BLTP3B: variants seen among roughly 807,000 people sequenced by gnomAD.
BLTP3B encodes the protein bridge-like lipid transfer protein family member 3B.
At chr12:100,041,476 C>T in the BLTP3B span, among the ~76,000 whole-genome samples, 2 of 121,134 alleles carry the variant, frequency 1.7e-5, no homozygotes, top group Non-Finnish European at 3.2e-5. Context: ...CTCACTCTGT[C>T]GCCAGGCTGG....
the BLTP3B span, among the ~76,000 whole-genome samples, chr12:100,137,450 T>C: frequency 6.6e-6 from 1 of 152,180 alleles, no homozygotes; most frequent in Non-Finnish European, 1.5e-5. Flanking sequence ...ATATTCTTTT[T>C]TTCTTTTTTG....
the BLTP3B span, chr12:100,058,559 C>CA: frequency 3.1e-6 from 5 of 1,611,498 alleles, no homozygotes; most frequent in East Asian, 2.2e-5. Flanking sequence ...TTTTTGAAGA[C>CA]AAAAAATCCC....
the BLTP3B span, among the ~76,000 whole-genome samples, chr12:100,046,744 G>A: frequency 6.6e-6 from 1 of 151,898 alleles, no homozygotes; most frequent in Non-Finnish European, 1.5e-5. Context: ...TAAAAAGGAA[G>A]TGTCACTATA....
chr12:100,119,622 T>C, the BLTP3B span, among the ~76,000 whole-genome samples: 1 of 151,062 alleles, frequency 6.6e-6, no homozygotes, highest in Non-Finnish European at 1.5e-5. Flanking sequence ...AAATACAGAG[T>C]CCAGAAAAAG....
chr12:100,087,480 A>C, the BLTP3B span, among the ~76,000 whole-genome samples: 1 of 152,200 alleles, frequency 6.6e-6, no homozygotes, highest in Non-Finnish European at 1.5e-5. Context: ...AAATGTTTAG[A>C]TTTCACGACA....
the BLTP3B span, among the ~76,000 whole-genome samples, chr12:100,124,411 CTGG>C: frequency 6.6e-6 from 1 of 151,104 alleles, no homozygotes; most frequent in African/African-American, 2.4e-5. Context: ...TGAGACCAGC[CTGG>C]GCAACACAGA....
chr12:100,102,853 A>G, the BLTP3B span: 2 of 1,589,110 alleles, frequency 1.3e-6, no homozygotes, highest in African/African-American at 2.7e-5. Flanking sequence ...TACTTTATCC[A>G]GGGACTAATA....
chr12:100,037,652 T>C, the BLTP3B span: 1 of 1,609,084 alleles, frequency 6.2e-7, no homozygotes, highest in Non-Finnish European at 8.5e-7. Flanking sequence ...AACTGTCATC[T>C]TCTTTATATG....
At chr12:100,092,185 A>G in the BLTP3B span, among the ~76,000 whole-genome samples, 1 of 152,326 alleles carries the variant, frequency 6.6e-6, no homozygotes, top group Admixed American at 6.5e-5. Flanking sequence ...GCAAATACTT[A>G]TAATAGAAAA....
the BLTP3B span, among the ~76,000 whole-genome samples, chr12:100,074,738 T>C: frequency 6.6e-6 from 1 of 151,912 alleles, no homozygotes; most frequent in East Asian, 1.9e-4. Flanking sequence ...AAAGCCTGAA[T>C]AGCCAAAGCA....
At chr12:100,038,484 C>T in the BLTP3B span, among the ~76,000 whole-genome samples, 7 of 152,184 alleles carry the variant, frequency 4.6e-5, no homozygotes, top group South Asian at 4.1e-4. Flanking sequence ...TACAAGCATG[C>T]GCCACCATGC....
the BLTP3B span, among the ~76,000 whole-genome samples, chr12:100,106,257 C>T: frequency 2.1e-5 from 3 of 140,582 alleles, no homozygotes; most frequent in South Asian, 4.8e-4. Flanking sequence ...GACACTGGTC[C>T]TCATTTCAAA....
the BLTP3B span, among the ~76,000 whole-genome samples, chr12:100,120,765 T>C: frequency 6.6e-6 from 1 of 151,978 alleles, no homozygotes; most frequent in Non-Finnish European, 1.5e-5. Context: ...AGGACCTTCA[T>C]ATGAAAACAT....
At chr12:100,094,621 C>T in the BLTP3B span, among the ~76,000 whole-genome samples, 1 of 152,188 alleles carries the variant, frequency 6.6e-6, no homozygotes, top group African/African-American at 2.4e-5. Context: ...TTTTGGGAGG[C>T]CAAGGCGGGC....
At chr12:100,121,840 A>C in the BLTP3B span, among the ~76,000 whole-genome samples, 8 of 152,348 alleles carry the variant, frequency 5.3e-5, no homozygotes, top group African/African-American at 1.7e-4. Flanking sequence ...AAGAAAAAAA[A>C]GTCATCAAAT....
the BLTP3B span, among the ~76,000 whole-genome samples, chr12:100,074,161 A>G: frequency 6.6e-6 from 1 of 152,228 alleles, no homozygotes; most frequent in African/African-American, 2.4e-5. Context: ...AGCAACTTCA[A>G]TAAAGTTTCA....
At chr12:100,136,362 C>T in the BLTP3B span, among the ~76,000 whole-genome samples, 1 of 151,958 alleles carries the variant, frequency 6.6e-6, no homozygotes, top group Non-Finnish European at 1.5e-5. Context: ...TCACATCACC[C>T]GCAATGCCAG....
At chr12:100,131,016 A>G in the BLTP3B span, among the ~76,000 whole-genome samples, 2 of 150,808 alleles carry the variant, frequency 1.3e-5, no homozygotes, top group Non-Finnish European at 3.0e-5. Flanking sequence ...AGAGAGAGAG[A>G]GAGAGAGAGA....
the BLTP3B span, among the ~76,000 whole-genome samples, chr12:100,083,735 G>A: frequency 8.0e-5 from 12 of 150,204 alleles, no homozygotes; most frequent in African/African-American, 2.9e-4. Flanking sequence ...TCATAAATAC[G>A]TACAATTATT....
Sources: allele counts gnomAD v4.1 joint callset (sites outside exome capture counted in the v4.1 genomes callset), GRCh38; gene constraint gnomAD v4.1.1; transcripts MANE v1.5; gene names NCBI Gene and HGNC (gene_info 2026-07-23, HGNC 2026-07-21).